Variants in TCERG1L observed in about 807,000 individuals in gnomAD.
TCERG1L encodes the protein transcription elongation regulator 1 like.
TCERG1L carries 37 observed loss-of-function variants against 56.3 expected under a neutral mutation model. The ratio of observed to expected loss-of-function variants is 0.66; its 90% CI spans 0.51 to 0.87. The LOEUF is 0.87. TCERG1L is among the 40% of genes least tolerant of loss of function. TCERG1L has a pLI of 0.00. For missense variants in TCERG1L, 799 were observed against 774.2 expected (o/e 1.03, Z -0.38); for synonymous variants, 324 against 326.3 (o/e 0.99, Z 0.08).
chr10:131,202,384 C>G (rs1034583034), intron 4 of TCERG1L, among the ~76,000 whole-genome samples: 9 of 152,146 alleles, frequency 5.9e-5, no homozygotes, highest in African/African-American at 2.2e-4. Context: ...GAGTCCGAGA[C>G]CAGTCTGCGC....
At chr10:131,300,155 G>A (rs1234306419) in intron 3 of TCERG1L, among the ~76,000 whole-genome samples, 1 of 152,080 alleles carries the variant, frequency 6.6e-6, no homozygotes, top group Non-Finnish European at 1.5e-5. Context: ...TTTCTGTTTG[G>A]TATAAAGTTC....
intron 10 of TCERG1L, among the ~76,000 whole-genome samples, chr10:131,102,612 C>T (rs928028838): frequency 4.6e-5 from 7 of 152,218 alleles, no homozygotes; most frequent in African/African-American, 1.4e-4. Context: ...CACAGAACCC[C>T]TCCTCCCCTA....
In TCERG1L at chr10:131,160,397, C is replaced by T. The variant is rs184061237; in HGVS notation, c.1034+2725G>A. 3.9e-4 allele frequency among the ~76,000 whole-genome samples: 59 copies of T among 152,128 alleles called. 1 individual carries two copies. Among genetic ancestry groups the T allele is most frequent in the Non-Finnish European group, 8.1e-4 (55 of 67,970 alleles). On this transcript the variant is annotated intron_variant, in intron 6 of 11. Transcript: ENST00000368642. ...GCCCTCACCCACCTCACCTGAAGCC[C>T]GTGGCCCTACACCCCGCCACTCCCT...
intron 4 of TCERG1L, among the ~76,000 whole-genome samples, chr10:131,239,480 T>G (rs1172818600): frequency 1.3e-5 from 2 of 152,234 alleles, no homozygotes; most frequent in African/African-American, 4.8e-5. Flanking sequence ...TTTACAGATT[T>G]TGACAAGTGG....
In TCERG1L at chr10:131,256,992, GGAAAGAAAGAAAGAAA is replaced by G. The variant is rs745516129; in HGVS notation, c.856+3251_856+3266del. Among the ~76,000 whole-genome samples the G allele has an allele frequency of 2.8e-3, 165 of 59,182 alleles. 2 individuals carry two copies. The highest frequency in any genetic ancestry group is 0.017 in the Middle Eastern group (2 of 120). 38.8% of individuals were successfully genotyped at this position (59,182 alleles called of 152,430 possible). A position where few individuals can be genotyped will look rare whatever the true frequency, so the allele number is the denominator to read the frequency against. On this transcript the variant is annotated intron_variant, in intron 4 of 11. Transcript: ENST00000368642. ...AGGAAGGAAGGAAGGAAGGAAGGAA[GGAAAGAAAGAAAGAAA>G]GAAAGAAAGAAAGAAAGAAAGAAAG...
chr10:131,277,211 C>G lies in TCERG1L; in HGVS notation c.671-16767G>C, dbSNP rs564627154. ...CTCAGAACTGTCTGCTCCTCCACCC[C>G]ACGAGTGAATGGTGACCATGGAGGT... On this transcript the variant is annotated intron_variant, in intron 3 of 11. Coordinates refer to ENST00000368642, the MANE Select transcript of TCERG1L (RefSeq NM_174937.4). Among the ~76,000 whole-genome samples the G allele has an allele frequency of 4.6e-5, 7 of 152,282 alleles. No individual in the cohort carries two copies. The South Asian group carries it at 8.3e-4, about 18-fold the overall frequency.
intron 11 of TCERG1L, among the ~76,000 whole-genome samples, chr10:131,094,855 C>CT (rs1334978551): frequency 7.2e-5 from 11 of 152,314 alleles, no homozygotes; most frequent in African/African-American, 2.6e-4. Flanking sequence ...CCACGCTCCC[C>CT]TGGCTAGACA....
In TCERG1L at chr10:131,110,550, G is replaced by A. The variant is rs149765275; in HGVS notation, c.1396-6196C>T. 5.3e-3 allele frequency among the ~76,000 whole-genome samples: 806 copies of A among 152,322 alleles called. 9 individuals are homozygous for A. Among genetic ancestry groups the A allele is most frequent in the African/African-American group, 0.017 (717 of 41,582 alleles). On this transcript the variant is annotated intron_variant, in intron 9 of 11. Transcript: ENST00000368642. Reference sequence around the variant, plus strand: ...GGGAAGAGACCCCAAAGCACGGCCCGAGCCCAGCACTGTCCACGCCTCCTG... The same window carrying A: ...GGGAAGAGACCCCAAAGCACGGCCCAAGCCCAGCACTGTCCACGCCTCCTG...
At chr10:131,183,809 G>A (rs1024024548) in intron 4 of TCERG1L, among the ~76,000 whole-genome samples, 3 of 152,298 alleles carry the variant, frequency 2.0e-5, no homozygotes, top group Admixed American at 6.5e-5. Flanking sequence ...CTTCTTACAC[G>A]TGATGCTAAC....
At chr10:131,247,543 G>C (rs1589760776) in intron 4 of TCERG1L, among the ~76,000 whole-genome samples, 1 of 152,186 alleles carries the variant, frequency 6.6e-6, no homozygotes, top group African/African-American at 2.4e-5. Flanking sequence ...ATGAATGTGA[G>C]ATAAGGCTTC....
chr10:131,156,968 C>G (rs923025868), intron 6 of TCERG1L, among the ~76,000 whole-genome samples: 1 of 152,192 alleles, frequency 6.6e-6, no homozygotes, highest in African/African-American at 2.4e-5. Context: ...CAACAGCTCA[C>G]AAAGCACATC....
chr10:131,094,903 C>T (rs1845225888), intron 11 of TCERG1L, among the ~76,000 whole-genome samples: 1 of 152,250 alleles, frequency 6.6e-6, no homozygotes, highest in Non-Finnish European at 1.5e-5. Context: ...TGGACAGGGG[C>T]AGCTGCTAGA....
chr10:131,244,238 G>C (rs1846003857), intron 4 of TCERG1L, among the ~76,000 whole-genome samples: 1 of 152,246 alleles, frequency 6.6e-6, no homozygotes, highest in Admixed American at 6.5e-5. Context: ...CTCCCTCCAT[G>C]AGTACAGGCA....
At chr10:131,278,306 C>A (rs968667491) in intron 3 of TCERG1L, among the ~76,000 whole-genome samples, 29 of 151,680 alleles carry the variant, frequency 1.9e-4, no homozygotes, top group South Asian at 4.2e-4. Context: ...CTCCTGTCCT[C>A]TCCCCTTGAG....
intron 4 of TCERG1L, among the ~76,000 whole-genome samples, chr10:131,183,174 A>C (rs1379486951): frequency 6.6e-6 from 1 of 152,156 alleles, no homozygotes; most frequent in Non-Finnish European, 1.5e-5. Context: ...GACTCACCAT[A>C]ACTATGTTCT....
chr10:131,298,721 T>C (rs1431138046), intron 3 of TCERG1L, among the ~76,000 whole-genome samples: 1 of 152,230 alleles, frequency 6.6e-6, no homozygotes, highest in African/African-American at 2.4e-5. Flanking sequence ...GCCCTACTTT[T>C]AATTATTTAA....
chr10:131,254,048 C>T (rs1846142598), intron 4 of TCERG1L, among the ~76,000 whole-genome samples: 2 of 152,142 alleles, frequency 1.3e-5, no homozygotes, highest in Non-Finnish European at 2.9e-5. Flanking sequence ...GAGCTGAGGC[C>T]TGAACAGTGG....
chr10:131,296,015 CAT>C (rs1352347280), intron 3 of TCERG1L, among the ~76,000 whole-genome samples: 1 of 152,054 alleles, frequency 6.6e-6, no homozygotes, highest in Non-Finnish European at 1.5e-5. Flanking sequence ...CTTTATCAGA[CAT>C]ATGTTTTGTG....
At position 131,103,076 on chromosome 10, in the gene TCERG1L, T is replaced by G. The variant is rs1845319335; in HGVS notation, c.1485+1189A>C. On this transcript the variant is annotated intron_variant, in intron 10 of 11. Transcript: ENST00000368642. This position sits in a 1 kb window ranked among gnomAD's most constrained non-coding sequence, Gnocchi z 4.3. Reference sequence around the variant, plus strand: ...ACTCCACCCTTCACTGTGCTGCTAGTGTTCTCTGGACCACTCCTATTTCAT... The same window carrying G: ...ACTCCACCCTTCACTGTGCTGCTAGGGTTCTCTGGACCACTCCTATTTCAT... Among the ~76,000 whole-genome samples the G allele has an allele frequency of 6.6e-6, 1 of 151,934 alleles. No individual in the cohort carries two copies. The highest frequency in any genetic ancestry group is 1.5e-5 in the Non-Finnish European group (1 of 68,014).
Sources: allele counts gnomAD v4.1 joint callset (sites outside exome capture counted in the v4.1 genomes callset), GRCh38; gene constraint gnomAD v4.1.1; non-coding constraint Gnocchi (gnomAD v3.1); transcripts MANE v1.5; gene names NCBI Gene and HGNC (gene_info 2026-07-23, HGNC 2026-07-21).